The following ASB15 variants were observed in gnomAD, a reference collection of about 807,000 sequenced individuals.
ASB15 encodes the protein ankyrin repeat and SOCS box containing 15, also known as ankyrin repeat and SOCS box protein 15.
ASB15 carries 54 observed loss-of-function variants against 58.0 expected under a neutral mutation model. The observed-to-expected ratio is 0.93, with a 90% CI of 0.75 to 1.17. The LOEUF is 1.17. ASB15 is among the 50% of genes most tolerant of loss of function. ASB15 has a pLI of 0.00. For synonymous variants in ASB15, 249 were observed against 262.4 expected, an observed-to-expected ratio of 0.95 and a Z score of 0.50; for missense variants, 680 against 707.4, an observed-to-expected ratio of 0.96 and a Z score of 0.44.
intron 1 of ASB15, among the ~76,000 whole-genome samples, chr7:123,578,707 G>A (rs1008126672): frequency 2.6e-5 from 4 of 151,964 alleles, no homozygotes; most frequent in Non-Finnish European, 4.4e-5. Flanking sequence ...CTTTCTCAGG[G>A]AGACATTGAA....
chr7:123,606,443 G>C (rs137938552), intron 2 of ASB15, among the ~76,000 whole-genome samples: 17 of 152,268 alleles, frequency 1.1e-4, no homozygotes, highest in African/African-American at 3.9e-4. Flanking sequence ...CTTTGCCTCT[G>C]TAAAGTCCAT....
At chr7:123,615,891 C>CAA (rs369386683) in intron 4 of ASB15, among the ~76,000 whole-genome samples, 12 of 152,132 alleles carry the variant, frequency 7.9e-5, no homozygotes, top group African/African-American at 2.9e-4. Flanking sequence ...CCCAGAATCA[C>CAA]AAAATCAGGC....
intron 7 of ASB15, among the ~76,000 whole-genome samples, chr7:123,618,572 G>C (rs1278499283): frequency 6.6e-6 from 1 of 152,108 alleles, no homozygotes; most frequent in Non-Finnish European, 1.5e-5. Flanking sequence ...GTTCAAGAGG[G>C]AAGAGCCATT....
intron 7 of ASB15, among the ~76,000 whole-genome samples, chr7:123,618,616 G>T (rs1800983742): frequency 6.6e-6 from 1 of 152,126 alleles, no homozygotes; most frequent in Non-Finnish European, 1.5e-5. Flanking sequence ...GGAGGAGACG[G>T]AAGAGGAGCA....
At position 123,627,282 on chromosome 7, in the gene ASB15, G is replaced by A. The variant is rs1385214588; in HGVS notation, c.869+1G>A. 9 of 1,607,890 alleles carry A rather than the reference G, an allele frequency of 5.6e-6. No homozygotes were observed. The highest frequency in any genetic ancestry group is 7.7e-6 in the Non-Finnish European group (9 of 1,174,814). ...GAGCTGCCTATGAGGGGCATTATCT[G>A]TGAGTGATAAATTATAGGGTAATTA... On this transcript the variant is annotated splice_donor_variant, in intron 9 of 11. Coordinates refer to ENST00000451215, the MANE Select transcript of ASB15 (RefSeq NM_001290258.2). LOFTEE classifies it high-confidence loss of function.
intron 1 of ASB15, among the ~76,000 whole-genome samples, chr7:123,575,890 T>G (rs554180843): frequency 6.6e-6 from 1 of 150,450 alleles, no homozygotes; most frequent in African/African-American, 2.4e-5. Context: ...TACTTTTCCC[T>G]GGCATGCATA....
At chr7:123,616,945 A>G (rs1800857315) in intron 6 of ASB15, among the ~76,000 whole-genome samples, 1 of 152,170 alleles carries the variant, frequency 6.6e-6, no homozygotes, top group African/African-American at 2.4e-5. Flanking sequence ...TTCATAATGT[A>G]AGCATTAAAA....
At position 123,582,790 on chromosome 7, in the gene ASB15, T is replaced by A. The variant is rs187457674; in HGVS notation, c.-443+15702T>A. 1.4e-4 allele frequency among the ~76,000 whole-genome samples: 22 copies of A among 152,062 alleles called. No individual in the cohort carries two copies. The East Asian group carries it at 4.3e-3, about 30-fold the overall frequency. Reference sequence around the variant, plus strand: ...ATTCATCCCCTCCACTGACTGAGAGTAAGAACTGCCTTCTTTAACATTTTC... The same window carrying A: ...ATTCATCCCCTCCACTGACTGAGAGAAAGAACTGCCTTCTTTAACATTTTC... On this transcript the variant is annotated intron_variant, in intron 1 of 13. Coordinates refer to the ASB15 transcript ENST00000451558.
At chr7:123,619,110 G>T (rs1176209864) in intron 7 of ASB15, among the ~76,000 whole-genome samples, 2 of 149,642 alleles carry the variant, frequency 1.3e-5, no homozygotes, top group Non-Finnish European at 3.0e-5. Flanking sequence ...AACCTGGGAG[G>T]TGGAGGTTTC....
At chr7:123,599,037 C>T (rs961539051), upstream of ASB15, 2 of 152,124 alleles carry the variant, frequency 1.3e-5, no homozygotes, top group Non-Finnish European at 2.9e-5. Flanking sequence ...TTTTTATATT[C>T]TTTTCTACTG....
chr7:123,570,489 G>T (rs34731479), intron 1 of ASB15, among the ~76,000 whole-genome samples: 9,863 of 151,828 alleles, frequency 0.065, 352 homozygotes, highest in Non-Finnish European at 0.078. Flanking sequence ...TCCTTGAATG[G>T]CCTTTTCTTT....
In ASB15 at chr7:123,629,935, C is replaced by T. The variant is rs772296768; in HGVS notation, c.1441-31C>T. ...GTTTATGTATATGATATTAAAAATA[C>T]TACTAAATTAAATTTTATCAATTCT... is the stretch of plus-strand genomic sequence containing the variant. On this transcript the variant is annotated intron_variant, in intron 10 of 11. Coordinates refer to ENST00000451215, the MANE Select transcript of ASB15 (RefSeq NM_001290258.2). 4 of 1,479,566 alleles carry T rather than the reference C, an allele frequency of 2.7e-6. No individual in the cohort carries two copies. The African/African-American group carries it at 4.2e-5, about 15-fold the overall frequency. The allele number at this position is 1,479,566 out of a possible 1,614,324, so 91.7% of individuals were successfully genotyped here. A position where few individuals can be genotyped will look rare whatever the true frequency, so the allele number is the denominator to read the frequency against.
chr7:123,614,581 GC>G lies in ASB15; in HGVS notation c.81del (p.Ser28AlafsTer13). 6.2e-7 allele frequency: 1 copy of G among 1,609,926 alleles called. No individual in the cohort carries two copies. The highest frequency in any genetic ancestry group is 8.5e-7 in the Non-Finnish European group (1 of 1,176,510). ...GCTAAGTATTCAAGAATCCATTGAA[GC>G]CAGCAAGACTGCACTTTGTCCTGAA... ...IQLSIQESIE[A>X]SKTALCPERF... On this transcript the variant is annotated frameshift_variant, in exon 4 of 12. Transcript: ENST00000451215. LOFTEE classifies it high-confidence loss of function.
Position 123,625,878 on chromosome 7 carries a change from A to G in ASB15, c.697+1064A>G, listed in dbSNP as rs551788840. On this transcript the variant is annotated intron_variant, in intron 8 of 11. Transcript: ENST00000451215. Reference sequence around the variant, plus strand: ...ACTAACATTTTTGAGGTGTCCCAATACAACCACGTTTAATTTTCAAATAAG... The same window carrying G: ...ACTAACATTTTTGAGGTGTCCCAATGCAACCACGTTTAATTTTCAAATAAG... Among the ~76,000 whole-genome samples, 28 of 152,358 alleles carry G rather than the reference A, an allele frequency of 1.8e-4. No individual in the cohort carries two copies. In the South Asian group the frequency reaches 4.8e-3, roughly 26 times the overall value.
chr7:123,598,409 A>T (rs771183069), upstream of ASB15, among the ~76,000 whole-genome samples: 5 of 152,206 alleles, frequency 3.3e-5, no homozygotes, highest in Non-Finnish European at 7.3e-5. Flanking sequence ...AGACTAAGAT[A>T]CATATTCTCT....
At chr7:123,616,119 TATTAAA>T (rs1800796156) in intron 4 of ASB15, 96 bp from the exon 5 acceptor site, 13 of 992,670 alleles carry the variant, frequency 1.3e-5, no homozygotes, top group South Asian at 1.3e-4. Flanking sequence ...GGATCTTGAT[TATTAAA>T]ATTAAGTTTA....
chr7:123,610,035 T>G (rs1800357025), intron 3 of ASB15, among the ~76,000 whole-genome samples: 1 of 152,188 alleles, frequency 6.6e-6, no homozygotes, highest in Non-Finnish European at 1.5e-5. Context: ...ACATAAAGCC[T>G]TATTGCATGG....
chr7:123,597,520 C>T (rs1799732934), upstream of ASB15, among the ~76,000 whole-genome samples: 2 of 152,148 alleles, frequency 1.3e-5, no homozygotes, highest in South Asian at 4.1e-4. Flanking sequence ...AGGCACTCAG[C>T]ACTGTGAGTC....
chr7:123,630,862 C>T (rs531289914), intron 11 of ASB15, among the ~76,000 whole-genome samples: 3 of 152,106 alleles, frequency 2.0e-5, no homozygotes, highest in South Asian at 2.1e-4. Flanking sequence ...TTTTAATGTA[C>T]CTGAATCAGC....
Sources: allele counts gnomAD v4.1 joint callset (sites outside exome capture counted in the v4.1 genomes callset), GRCh38; gene constraint gnomAD v4.1.1; transcripts MANE v1.5; gene names NCBI Gene and HGNC (gene_info 2026-07-23, HGNC 2026-07-21).